Variants in LIMCH1 observed in about 807,000 individuals in gnomAD.
LIMCH1 encodes the protein LIM and calponin homology domains-containing protein 1.
LIMCH1 carries 113 observed loss-of-function variants against 176.5 expected under a neutral mutation model. That is an observed-to-expected ratio of 0.64 (90% CI 0.55 to 0.75). The LOEUF is 0.75. LIMCH1 is among the 30% of genes least tolerant of loss of function. The pLI, the probability that LIMCH1 is intolerant of heterozygous loss-of-function variation, is 0.00. For missense variants in LIMCH1, 1,674 were observed against 1,814.9 expected, an observed-to-expected ratio of 0.92 and a Z score of 1.41; for synonymous variants, 619 against 645.9, an observed-to-expected ratio of 0.96 and a Z score of 0.63.
At chr4:41,694,997 C>T (rs1032007997) in intron 31 of LIMCH1, among the ~76,000 whole-genome samples, 1 of 151,984 alleles carries the variant, frequency 6.6e-6, no homozygotes, top group African/African-American at 2.4e-5. Flanking sequence ...GTTTGAACAT[C>T]TTTTCATATG....
rs1023216993 is a variant in LIMCH1 at position 41,699,381 on chromosome 4, C to G, written c.*2196C>G. On this transcript the variant is annotated 3_prime_UTR_variant, in exon 32 of 32. Coordinates refer to ENST00000503057, the MANE Select transcript of LIMCH1 (RefSeq NM_001330672.2). ...AAAATGTGCTTTCCCATAATGAACA[C>G]TAGTCACCAGCACAGAATAATCTCC... 1.3e-5 allele frequency: 2 copies of G among 152,170 alleles called. No homozygotes were observed. Among genetic ancestry groups the G allele is most frequent in the East Asian group, 1.9e-4 (1 of 5,202 alleles). 9.4% of individuals were successfully genotyped at this position (152,170 alleles called of 1,614,324 possible). A position where few individuals can be genotyped will look rare whatever the true frequency, so the allele number is the denominator to read the frequency against.
At chr4:41,532,899 C>T (rs528267746) in intron 3 of LIMCH1, among the ~76,000 whole-genome samples, 3 of 152,272 alleles carry the variant, frequency 2.0e-5, no homozygotes, top group Middle Eastern at 3.4e-3. Flanking sequence ...TCTCATGGGT[C>T]AGGAATATGA....
chr4:41,500,573 A>G (rs1441226496), intron 2 of LIMCH1, among the ~76,000 whole-genome samples: 7 of 152,356 alleles, frequency 4.6e-5, no homozygotes, highest in African/African-American at 1.7e-4. Context: ...TTGTGTTCAT[A>G]TAGGTAGATG....
At chr4:41,447,410 C>T (rs1019946436) in intron 1 of LIMCH1, among the ~76,000 whole-genome samples, 1 of 152,110 alleles carries the variant, frequency 6.6e-6, no homozygotes, top group Non-Finnish European at 1.5e-5. Flanking sequence ...AGAAGACAAA[C>T]CTTGGGCAGC....
Position 41,638,965 on chromosome 4 carries a change from AGAGT to A in LIMCH1, c.2125_2126+2del. The A allele has an allele frequency of 6.3e-7, 1 of 1,585,432 alleles. No individual in the cohort carries two copies. Among genetic ancestry groups the A allele is most frequent in the Middle Eastern group, 1.7e-4 (1 of 5,918 alleles). On this transcript the variant is annotated splice_donor_variant and coding_sequence_variant, in exon 14 of 32. Coordinates refer to ENST00000503057, the MANE Select transcript of LIMCH1 (RefSeq NM_001330672.2). LOFTEE classifies it high-confidence loss of function. ...CGAGAACTCCTGTGTCTGATGACGCAGAGTAAGTTGCCTTGTATTTGTAGGATTA... is the reference window on the plus strand; with the variant it reads ...CGAGAACTCCTGTGTCTGATGACGCAAAGTTGCCTTGTATTTGTAGGATTA...
intron 18 of LIMCH1, among the ~76,000 whole-genome samples, chr4:41,651,653 CT>C (rs1193692378): frequency 6.6e-6 from 1 of 152,100 alleles, no homozygotes; most frequent in Admixed American, 6.5e-5. Flanking sequence ...ATAACTGGTG[CT>C]ATCAGAATCT....
chr4:41,659,001 A>G (rs953773934), intron 18 of LIMCH1, among the ~76,000 whole-genome samples: 2 of 152,238 alleles, frequency 1.3e-5, no homozygotes, highest in South Asian at 2.1e-4. Flanking sequence ...CAAAAATACC[A>G]TCATGTATTA....
chr4:41,498,990 T>A (rs912244380), intron 2 of LIMCH1, among the ~76,000 whole-genome samples: 2 of 152,170 alleles, frequency 1.3e-5, no homozygotes, highest in Non-Finnish European at 2.9e-5. Flanking sequence ...CCTAAAGTGT[T>A]TACTATCTGG....
At chr4:41,564,852 C>T (rs940959838) in intron 1 of LIMCH1, among the ~76,000 whole-genome samples, 9 of 152,076 alleles carry the variant, frequency 5.9e-5, no homozygotes, top group Admixed American at 1.3e-4. Context: ...TGAGTTGTCA[C>T]GAGATCTTAT....
chr4:41,574,246 TCC>T (rs2084048426), intron 1 of LIMCH1, among the ~76,000 whole-genome samples: 1 of 2,880 alleles, frequency 3.5e-4, no homozygotes, highest in Admixed American at 5.2e-3. Flanking sequence ...TCCCCTCCCC[TCC>T]CCTCCCCTCC....
chr4:41,695,295 A>T (rs1348163472), intron 31 of LIMCH1, among the ~76,000 whole-genome samples: 1 of 151,360 alleles, frequency 6.6e-6, no homozygotes, highest in Non-Finnish European at 1.5e-5. Flanking sequence ...AAAGTGTATA[A>T]ATAAATTTAG....
intron 1 of LIMCH1, among the ~76,000 whole-genome samples, chr4:41,575,219 C>A (rs1464295470): frequency 6.6e-6 from 1 of 152,134 alleles, no homozygotes; most frequent in East Asian, 1.9e-4. Context: ...TTAAAAGCAT[C>A]GCTGATTTTT....
intron 1 of LIMCH1, among the ~76,000 whole-genome samples, chr4:41,365,201 GC>G (rs1228138755): frequency 6.6e-6 from 1 of 152,354 alleles, no homozygotes; most frequent in Non-Finnish European, 1.5e-5. Context: ...ATCAGAGTGT[GC>G]CCATGGGGCT....
intron 17 of LIMCH1, among the ~76,000 whole-genome samples, chr4:41,647,919 C>G (rs1256747312): frequency 1.3e-5 from 2 of 152,218 alleles, no homozygotes; most frequent in African/African-American, 4.8e-5. Flanking sequence ...GGGGCCATGT[C>G]TCTGTCATTC....
intron 1 of LIMCH1, among the ~76,000 whole-genome samples, chr4:41,560,981 C>T (rs1290283057): frequency 6.6e-6 from 1 of 150,998 alleles, no homozygotes; most frequent in Non-Finnish European, 1.5e-5. Context: ...TACAGCACTG[C>T]ACTCCAGCCT....
At chr4:41,632,584 A>T (rs1033013487) in intron 10 of LIMCH1, among the ~76,000 whole-genome samples, 165 bp from the exon 11 acceptor site, 1 of 152,214 alleles carries the variant, frequency 6.6e-6, no homozygotes, top group African/African-American at 2.4e-5. Context: ...CAGAGTTCAC[A>T]TTCCATTATC....
chr4:41,492,121 T>C (rs983975075), intron 1 of LIMCH1, among the ~76,000 whole-genome samples: 7 of 152,094 alleles, frequency 4.6e-5, no homozygotes, highest in African/African-American at 1.2e-4. Flanking sequence ...ACATTGAGCA[T>C]TGAGTGAGCG....
chr4:41,544,146 C>T (rs2079050386), intron 1 of LIMCH1, among the ~76,000 whole-genome samples: 1 of 151,678 alleles, frequency 6.6e-6, no homozygotes, highest in Non-Finnish European at 1.5e-5. Flanking sequence ...ACGTGTTATG[C>T]TCCGGCTTGT....
Position 41,650,546 on chromosome 4 carries a change from CAA to C in LIMCH1, c.2975_2976del (p.Gln992ArgfsTer4). The C allele has an allele frequency of 6.2e-7, 1 of 1,613,952 alleles. No individual in the cohort carries two copies. The highest frequency in any genetic ancestry group is 8.5e-7 in the Non-Finnish European group (1 of 1,179,996). ...GCACGGGTCTCCACTGGAGCTGAAA[CAA>C]GACAACGGTAGCATCGAGATCAACA... ...RVHGSPLELK[Q>X]DNGSIEINIK... On this transcript the variant is annotated frameshift_variant, in exon 18 of 32. Transcript: ENST00000503057. LOFTEE classifies it high-confidence loss of function.
Sources: allele counts gnomAD v4.1 joint callset (sites outside exome capture counted in the v4.1 genomes callset), GRCh38; gene constraint gnomAD v4.1.1; transcripts MANE v1.5; gene names NCBI Gene and HGNC (gene_info 2026-07-23, HGNC 2026-07-21).